Variants in TRPV1 observed in about 807,000 individuals in gnomAD.
TRPV1 encodes transient receptor potential cation channel subfamily V member 1.
A neutral mutation model predicts 82.3 loss-of-function variants in TRPV1; 82 were observed. That is an observed-to-expected ratio of 1.00 (90% confidence interval 0.83 to 1.20). TRPV1 has a LOEUF of 1.20. Ranked by LOEUF, TRPV1 falls within the 50% of genes most tolerant of loss-of-function variation. TRPV1 has a pLI of 0.00. For synonymous variants in TRPV1, 515 were observed against 467.7 expected (o/e 1.10, Z -1.30); for missense variants, 1,067 against 1,096.8 (o/e 0.97, Z 0.38).
intron 9 of TRPV1, 101 bp downstream of exon 9, chr17:3,585,667 G>A: frequency 7.0e-7 from 1 of 1,429,942 alleles, no homozygotes; most frequent in Non-Finnish European, 9.4e-7. Flanking sequence ...AGGAGTCCAG[G>A]GCAGAGCCTG....
At chr17:3,593,738 G>A (rs1162710414) in intron 2 of TRPV1, among the ~76,000 whole-genome samples, 1 of 152,108 alleles carries the variant, frequency 6.6e-6, no homozygotes, top group Non-Finnish European at 1.5e-5. Context: ...CCTACCATGT[G>A]GTCCAGCAAT....
At chr17:3,595,481 G>C (rs2075211057) in intron 2 of TRPV1, among the ~76,000 whole-genome samples, 1 of 152,162 alleles carries the variant, frequency 6.6e-6, no homozygotes, top group African/African-American at 2.4e-5. Context: ...CAAGGGGCTA[G>C]GCATAAGACC....
intron 2 of TRPV1, among the ~76,000 whole-genome samples, chr17:3,605,621 AC>A (rs2150861271): frequency 6.6e-6 from 1 of 152,278 alleles, no homozygotes; most frequent in South Asian, 2.1e-4. Context: ...ATGGATGGAA[AC>A]CCTTGGAGGT....
At chr17:3,573,049 G>A (rs938992608) in intron 14 of TRPV1, among the ~76,000 whole-genome samples, 2 of 149,850 alleles carry the variant, frequency 1.3e-5, no homozygotes, top group African/African-American at 4.9e-5. Context: ...CTGTTGTGAG[G>A]ATTAAATGAG....
intron 2 of TRPV1, among the ~76,000 whole-genome samples, chr17:3,607,690 T>C (rs1283784813): frequency 6.6e-6 from 1 of 151,634 alleles, no homozygotes; most frequent in African/African-American, 2.4e-5. Context: ...GCGCGTGCCA[T>C]CATGCCCAGC....
At chr17:3,567,546 C>T (rs2074785002) in intron 16 of TRPV1, among the ~76,000 whole-genome samples, 1 of 152,094 alleles carries the variant, frequency 6.6e-6, no homozygotes, top group Admixed American at 6.6e-5. Flanking sequence ...CCATCCCACC[C>T]CGACTTGCTT....
At position 3,594,851 on chromosome 17, in the gene TRPV1, T is replaced by C. The variant is rs111506819; in HGVS notation, c.-33-2468A>G. 4.2e-3 allele frequency among the ~76,000 whole-genome samples: 636 copies of C among 152,098 alleles called. 6 individuals are homozygous for C. Among genetic ancestry groups the C allele is most frequent in the African/African-American group, 0.015 (628 of 41,494 alleles). On this transcript the variant is annotated intron_variant, in intron 2 of 16. Transcript: ENST00000572705. The stretch of plus-strand genomic sequence containing the variant: ...CCATGGCAGTTGGTGATGGATGAGC[T>C]GAGCCTGGGAAGGGAACAGAGGTGG...
intron 2 of TRPV1, chr17:3,602,342 C>T (rs762697489): frequency 1.3e-5 from 2 of 152,368 alleles, no homozygotes; most frequent in South Asian, 2.1e-4. Flanking sequence ...ACTCAGGAAA[C>T]GTTTGTTGGC....
At chr17:3,577,268 C>T in intron 12 of TRPV1, 76 bp from the exon 13 acceptor site, 2 of 1,476,762 alleles carry the variant, frequency 1.4e-6, no homozygotes, top group Non-Finnish European at 1.8e-6. Context: ...GCCGCATCGG[C>T]CTGGGGATGC....
intron 12 of TRPV1, 123 bp from the exon 13 acceptor site, chr17:3,577,315 T>C: frequency 9.0e-7 from 1 of 1,113,108 alleles, no homozygotes; most frequent in Non-Finnish European, 1.3e-6. Context: ...CTTTGCTGGT[T>C]CTCAGCTCAG....
intron 8 of TRPV1, among the ~76,000 whole-genome samples, chr17:3,587,271 T>TC (rs2075096774): frequency 6.6e-6 from 1 of 152,122 alleles, no homozygotes; most frequent in Non-Finnish European, 1.5e-5. Context: ...ACCAGGCCTT[T>TC]CCCAGCCCCG....
chr17:3,573,808 A>T lies in TRPV1; in HGVS notation c.1928T>A (p.Ile643Asn), dbSNP rs2074892600. 6.2e-7 allele frequency: 1 copy of T among 1,608,868 alleles called. No individual in the cohort carries two copies. Among genetic ancestry groups the T allele is most frequent in the Non-Finnish European group, 8.5e-7 (1 of 1,177,030 alleles). The change falls in exon 14 of 17, where the codon ATC becomes AAC. Residue 643 changes from isoleucine (I) to asparagine (N), a missense_variant. Coordinates refer to ENST00000572705, the MANE Select transcript of TRPV1 (RefSeq NM_080704.4). Reference sequence around the variant, plus strand: ...AGTGAACTCCAGGTCGCCCATGCCGATGGTGAACTTGAACAGCTCCAGGCA... The same window carrying T: ...AGTGAACTCCAGGTCGCCCATGCCGTTGGTGAACTTGAACAGCTCCAGGCA... ...STCLELFKFT[I>N]GMGDLEFTEN... is the part of the protein sequence containing the mutation.
chr17:3,574,871 T>A (rs952162822), intron 13 of TRPV1, among the ~76,000 whole-genome samples: 3 of 133,640 alleles, frequency 2.2e-5, no homozygotes, highest in African/African-American at 5.8e-5. Context: ...AGTTTGCAGA[T>A]CGCGCCACTG....
chr17:3,581,706 G>A, intron 10 of TRPV1, among the ~76,000 whole-genome samples: 1 of 150,440 alleles, frequency 6.6e-6, no homozygotes. Context: ...TTAACATGGT[G>A]AAACCCCGTC....
In TRPV1 at chr17:3,572,329, TC is replaced by T. The variant is rs1300285396; in HGVS notation, c.2104-81del. The T allele has an allele frequency of 7.3e-6, 11 of 1,504,728 alleles. No homozygotes were observed. In the East Asian group the frequency reaches 2.0e-4, roughly 27 times the overall value. 93.2% of individuals were successfully genotyped at this position (1,504,728 alleles called of 1,614,324 possible). ...GCCACCCTGGCTGCCAGTATCCAGC[TC>T]CCCAGGGGCTCTCCCAGGCCTAGAT... On this transcript the variant is annotated intron_variant, in intron 14 of 16. Transcript: ENST00000572705.
intron 8 of TRPV1, among the ~76,000 whole-genome samples, chr17:3,587,727 C>T (rs1226417521): frequency 2.0e-5 from 3 of 151,650 alleles, no homozygotes; most frequent in Non-Finnish European, 2.9e-5. Context: ...CGAGGAGAAT[C>T]GCTTGAACCC....
intron 10 of TRPV1, among the ~76,000 whole-genome samples, chr17:3,581,899 A>AG (rs1187645535): frequency 9.0e-6 from 1 of 110,548 alleles, no homozygotes; most frequent in African/African-American, 3.1e-5. Context: ...AAAAAAAAAA[A>AG]TCACAATGGG....
intron 10 of TRPV1, among the ~76,000 whole-genome samples, chr17:3,582,189 C>CAAAGAAAAAAAAAA (rs2075029333): frequency 3.9e-5 from 1 of 25,902 alleles, no homozygotes; most frequent in Non-Finnish European, 7.3e-5. Context: ...GACTCCATCT[C>CAAAGAAAAAAAAAA]AAAAAAAAAA....
chr17:3,572,634 G>A (rs2074869731), intron 14 of TRPV1, among the ~76,000 whole-genome samples: 1 of 151,696 alleles, frequency 6.6e-6, no homozygotes, highest in African/African-American at 2.4e-5. Flanking sequence ...CAGCCATGTG[G>A]CCTTGAGCAC....
Sources: gnomAD v4.1 joint callset for allele counts (sites outside exome capture counted in the v4.1 genomes callset) on GRCh38, gnomAD v4.1.1 for gene constraint, MANE v1.5 for transcripts, NCBI Gene and HGNC (gene_info 2026-07-23, HGNC 2026-07-21) for gene names.